Variants in BPIFB4 observed in about 807,000 individuals in gnomAD.
BPIFB4 encodes BPI fold-containing family B member 4.
A neutral mutation model predicts 69.2 loss-of-function variants in BPIFB4; 62 were observed. The observed-to-expected ratio is 0.90, with a 90% CI of 0.73 to 1.11. BPIFB4 has a LOEUF of 1.11. Among genes scored for constraint, BPIFB4 ranks in the 50% least tolerant of loss-of-function variants. The pLI, the probability that BPIFB4 is intolerant of heterozygous loss-of-function variation, is 0.00. For missense variants in BPIFB4, 789 were observed against 792.0 expected, an observed-to-expected ratio of 1.00 and a Z score of 0.04; for synonymous variants, 330 against 332.7, an observed-to-expected ratio of 0.99 and a Z score of 0.09.
intron 11 of BPIFB4, among the ~76,000 whole-genome samples, chr20:33,093,953 T>A (rs1202494531): frequency 6.6e-6 from 1 of 152,244 alleles, no homozygotes; most frequent in Non-Finnish European, 1.5e-5. Context: ...TCTCTGTCTG[T>A]CTCCCTGTCT....
At chr20:33,084,414 C>T (rs1395604057) in intron 5 of BPIFB4, among the ~76,000 whole-genome samples, 1 of 152,184 alleles carries the variant, frequency 6.6e-6, no homozygotes, top group Admixed American at 6.5e-5. Flanking sequence ...TAAACATAAC[C>T]ATGCAGTTTC....
At chr20:33,090,645 A>G in intron 9 of BPIFB4, 63 bp from the exon 10 acceptor site, 1 of 1,600,376 alleles carries the variant, frequency 6.2e-7, no homozygotes, top group Non-Finnish European at 8.5e-7. Flanking sequence ...GCCCCAGTGT[A>G]TGAGGAGGGA....
intron 6 of BPIFB4, among the ~76,000 whole-genome samples, chr20:33,085,316 G>T (rs535292351): frequency 6.6e-6 from 1 of 151,834 alleles, no homozygotes; most frequent in African/African-American, 2.4e-5. Flanking sequence ...TGGGCTGGGC[G>T]TGGTGGCAGG....
At chr20:33,083,895 C>T (rs775806625) in intron 5 of BPIFB4, 21 bp downstream of exon 5, 1 of 1,576,826 alleles carries the variant, frequency 6.3e-7, no homozygotes, top group Non-Finnish European at 8.6e-7. Flanking sequence ...GACGGGTTCT[C>T]CCCAGAAAGC....
At chr20:33,089,740 G>C (rs6059073) in intron 9 of BPIFB4, among the ~76,000 whole-genome samples, 182 bp downstream of exon 9, 7,482 of 151,428 alleles carry the variant, frequency 0.049, 616 homozygotes, top group African/African-American at 0.17. Flanking sequence ...CCCCCCCCGA[G>C]TACCAGAGGG....
rs1981234155 is a variant in BPIFB4, at chr20:33,081,639, C to A, written c.106+7C>A. On this transcript the variant is annotated splice_region_variant and intron_variant, in intron 3 of 17. Coordinates refer to ENST00000375483, the MANE Select transcript of BPIFB4 (RefSeq NM_182519.3). ...AAAGATGTGTTGAGCAATGGTGAGTCCAGCCCCAAAGGGGTGAGGGTTGGC... is the reference window on the plus strand; with the variant it reads ...AAAGATGTGTTGAGCAATGGTGAGTACAGCCCCAAAGGGGTGAGGGTTGGC... The A allele has an allele frequency of 6.4e-7, 1 of 1,551,566 alleles. No individual in the cohort carries two copies. Among genetic ancestry groups the A allele is most frequent in the South Asian group, 1.2e-5 (1 of 84,028 alleles).
chr20:33,089,028 T>C lies in BPIFB4; in HGVS notation c.989T>C (p.Leu330Ser). The change falls in exon 8 of 18, where the codon TTG becomes TCG. Residue 330 changes from leucine to serine, a missense_variant and splice_region_variant. Coordinates refer to ENST00000375483, the MANE Select transcript of BPIFB4 (RefSeq NM_182519.3). ...NRVLADVLPD[L>S]LCPIVDVVLG... ...GTCCTGGCCGACGTCCTCCCTGACT[T>C]GGTAAGAAGCTGTCCCAGTATGGGA... 1 of 1,613,812 alleles carries C rather than the reference T, an allele frequency of 6.2e-7. No individual in the cohort carries two copies. Among genetic ancestry groups the C allele is most frequent in the East Asian group, 2.2e-5 (1 of 44,862 alleles).
chr20:33,110,812 AG>A (rs1302415234), intron 17 of BPIFB4, among the ~76,000 whole-genome samples: 7 of 130,912 alleles, frequency 5.3e-5, no homozygotes, highest in Non-Finnish European at 1.1e-4. Flanking sequence ...ATTTTGTTGA[AG>A]TTTTTTTTTT....
intron 16 of BPIFB4, among the ~76,000 whole-genome samples, chr20:33,106,169 T>C (rs1982049166): frequency 6.6e-6 from 1 of 152,204 alleles, no homozygotes; most frequent in African/African-American, 2.4e-5. Flanking sequence ...CCCACTTCTT[T>C]TTCTCTCTTC....
At chr20:33,104,710 G>A in intron 15 of BPIFB4, 100 bp from the exon 16 acceptor site, 1 of 1,119,762 alleles carries the variant, frequency 8.9e-7, no homozygotes, top group Non-Finnish European at 1.3e-6. Flanking sequence ...TCCCAGAGCA[G>A]GTCTGTGTCT....
In BPIFB4 at chr20:33,089,479, T is replaced by C; in HGVS notation, c.991-19T>C. 6.2e-7 allele frequency: 1 copy of C among 1,614,236 alleles called. No homozygotes were observed. The highest frequency in any genetic ancestry group is 8.5e-7 in the Non-Finnish European group (1 of 1,180,028). The stretch of plus-strand genomic sequence containing the variant: ...TCCCTGCAGCGTCAACAAGGCTTTG[T>C]GCCATTTCTCCCCTGCAGCTCTGCC... On this transcript the variant is annotated intron_variant, in intron 8 of 17. Transcript: ENST00000375483.
intron 12 of BPIFB4, among the ~76,000 whole-genome samples, chr20:33,097,002 T>C (rs1211583682): frequency 1.3e-5 from 2 of 152,322 alleles, no homozygotes; most frequent in East Asian, 1.9e-4. Context: ...GGAATCAAAC[T>C]GCAGCAAACA....
intron 8 of BPIFB4, among the ~76,000 whole-genome samples, 184 bp from the exon 9 acceptor site, chr20:33,089,314 C>T (rs1201410927): frequency 6.6e-6 from 1 of 152,224 alleles, no homozygotes; most frequent in African/African-American, 2.4e-5. Flanking sequence ...CTTTCTGAAC[C>T]TCGATTTTCC....
chr20:33,090,836 C>T, intron 10 of BPIFB4, 37 bp downstream of exon 10: 3 of 1,611,620 alleles, frequency 1.9e-6, no homozygotes, highest in Non-Finnish European at 2.5e-6. Context: ...GGTGGTGGCC[C>T]TCCTCCCAAA....
chr20:33,095,108 G>A lies in BPIFB4; in HGVS notation c.1353G>A (p.Glu451=). The A allele has an allele frequency of 6.2e-7, 1 of 1,612,658 alleles. No homozygotes were observed. Among genetic ancestry groups the A allele is most frequent in the Non-Finnish European group, 8.5e-7 (1 of 1,178,704 alleles). Residue 451 remains glutamate (E), a synonymous_variant, in exon 12 of 18, where the codon GAG becomes GAA. Coordinates refer to ENST00000375483, the MANE Select transcript of BPIFB4 (RefSeq NM_182519.3). The part of the protein sequence containing the change: ...DLDITNGMFE[E]LPPLTTATLG... ...TTCTTCTTGTCCTATAGTTTGAAGA[G>A]CTTCCTCCACTTACCACAGCCACAC... is the stretch of plus-strand genomic sequence containing the variant.
chr20:33,089,992 C>T (rs1336108381), intron 9 of BPIFB4, among the ~76,000 whole-genome samples: 1 of 152,226 alleles, frequency 6.6e-6, no homozygotes, highest in Non-Finnish European at 1.5e-5. Context: ...GGAGACTGAC[C>T]ACGGCCTCAG....
Position 33,090,697 on chromosome 20 carries a change from T to C in BPIFB4, c.1052-11T>C, listed in dbSNP as rs768079957. ...AGGGGACCTCCCTGTGACCCTCTCC[T>C]TTGCCTGCAGCTCTGATTCCTCTGG... On this transcript the variant is annotated splice_polypyrimidine_tract_variant and intron_variant, in intron 9 of 17. Transcript: ENST00000375483. 2.5e-6 allele frequency: 4 copies of C among 1,613,800 alleles called. No individual in the cohort carries two copies. Among genetic ancestry groups the C allele is most frequent in the Non-Finnish European group, 3.4e-6 (4 of 1,179,740 alleles).
At position 33,083,708 on chromosome 20, in the gene BPIFB4, T is replaced by A; in HGVS notation, c.511T>A (p.Leu171Met). 1 of 1,613,934 alleles carries A rather than the reference T, an allele frequency of 6.2e-7. No homozygotes were observed. Among genetic ancestry groups the A allele is most frequent in the Non-Finnish European group, 8.5e-7 (1 of 1,179,944 alleles). ...VATGAVGPGGLLGTGGMLAAD... is the reference protein window; with the variant it reads ...VATGAVGPGGMLGTGGMLAAD... ...CACTGGGGCGGTGGGCCCAGGTGGT[T>A]TGCTGGGCACTGGAGGCATGCTGGC... Residue 171 changes from leucine to methionine, a missense_variant, in exon 5 of 18, where the codon TTG (leucine) becomes ATG (methionine). Around this residue, in one of 3 missense-constraint regions of BPIFB4, gnomAD observed 611 missense variants for 575.4 expected, o/e 1.06. Transcript: ENST00000375483.
chr20:33,093,968 A>G (rs1981686126), intron 11 of BPIFB4, among the ~76,000 whole-genome samples: 1 of 152,130 alleles, frequency 6.6e-6, no homozygotes, highest in Admixed American at 6.6e-5. Flanking sequence ...CTGTCTGTCT[A>G]TCCATCTATC....
Sources: allele counts gnomAD v4.1 joint callset (sites outside exome capture counted in the v4.1 genomes callset), GRCh38; gene constraint gnomAD v4.1.1; regional missense constraint gnomAD v4.1.1; transcripts MANE v1.5; gene names NCBI Gene and HGNC (gene_info 2026-07-23, HGNC 2026-07-21).